The following SDCCAG8 variants were observed in gnomAD, a reference collection of about 807,000 sequenced individuals.
SDCCAG8 encodes the protein serologically defined colon cancer antigen 8.
Under a neutral mutation model 101.8 loss-of-function variants are expected in SDCCAG8, and 74 were observed. That is an observed-to-expected ratio of 0.73 (90% CI 0.60 to 0.88). The LOEUF is 0.88. Among genes scored for constraint, SDCCAG8 ranks in the 40% least tolerant of loss-of-function variants. The pLI is 0.00. For missense variants in SDCCAG8, 787 were observed against 822.6 expected, an observed-to-expected ratio of 0.96 and a Z score of 0.53; for synonymous variants, 281 against 292.9, an observed-to-expected ratio of 0.96 and a Z score of 0.41.
At chr1:243,294,696 TC>T (rs576179320) in intron 6 of SDCCAG8, among the ~76,000 whole-genome samples, 11,310 of 62,108 alleles carry the variant, frequency 0.18, 1,020 homozygotes, top group Non-Finnish European at 0.22. Flanking sequence ...CTTTCTAAAT[TC>T]CCCCCCCCCC....
intron 12 of SDCCAG8, among the ~76,000 whole-genome samples, chr1:243,369,236 G>A (rs539102798): frequency 9.9e-5 from 15 of 152,158 alleles, no homozygotes; most frequent in African/African-American, 3.1e-4. Flanking sequence ...ATGGGGAGTC[G>A]ATAAACAAGT....
chr1:243,411,380 G>A (rs114498324), intron 13 of SDCCAG8, among the ~76,000 whole-genome samples: 1,529 of 152,250 alleles, frequency 0.01, 23 homozygotes, highest in African/African-American at 0.035. Context: ...GCTTCCCAAA[G>A]TGCTGGGATT....
chr1:243,327,341 A>ATAGAAATTAAAATTATAATTATAATTTT (rs2074238263), intron 9 of SDCCAG8, among the ~76,000 whole-genome samples: 1 of 146,730 alleles, frequency 6.8e-6, no homozygotes, highest in Non-Finnish European at 1.5e-5. Flanking sequence ...TTATAATTTT[A>ATAGAAATTAAAATTATAATTATAATTTT]TAGAAATTAA....
intron 4 of SDCCAG8, among the ~76,000 whole-genome samples, chr1:243,283,583 G>T (rs2069279686): frequency 6.6e-6 from 1 of 151,514 alleles, no homozygotes; most frequent in Non-Finnish European, 1.5e-5. Flanking sequence ...GTCTACTGAT[G>T]AGCCTTTCAA....
intron 1 of SDCCAG8, among the ~76,000 whole-genome samples, chr1:243,259,237 TAA>T (rs559992892): frequency 7.1e-6 from 1 of 141,648 alleles, no homozygotes. Flanking sequence ...CCGTCTGTAC[TAA>T]AAAAAAAAAT....
At chr1:243,290,270 A>C (rs10754799) in intron 5 of SDCCAG8, among the ~76,000 whole-genome samples, 1 of 151,430 alleles carries the variant, frequency 6.6e-6, no homozygotes, top group Non-Finnish European at 1.5e-5. Context: ...AGGATTTAAC[A>C]TACTTAGGTT....
At chr1:243,306,442 A>T (rs972278993) in intron 7 of SDCCAG8, 1 of 152,184 alleles carries the variant, frequency 6.6e-6, no homozygotes, top group African/African-American at 2.4e-5. Flanking sequence ...CTTGTAATGA[A>T]TTAGACTTTG....
chr1:243,385,205 C>T (rs539041278), intron 13 of SDCCAG8, among the ~76,000 whole-genome samples: 156 of 152,040 alleles, frequency 1.0e-3, no homozygotes, highest in African/African-American at 3.3e-3. Context: ...GCCTGGGCAA[C>T]GTGGCGAAAC....
chr1:243,452,763 C>G (rs1395406171), intron 16 of SDCCAG8, among the ~76,000 whole-genome samples: 1 of 152,122 alleles, frequency 6.6e-6, no homozygotes, highest in Non-Finnish European at 1.5e-5. Flanking sequence ...CATAGATGGG[C>G]TGTGAACCTT....
chr1:243,456,374 C>T (rs1424064809), intron 16 of SDCCAG8, among the ~76,000 whole-genome samples: 6 of 152,010 alleles, frequency 3.9e-5, no homozygotes, highest in East Asian at 1.9e-4. Flanking sequence ...AGCTAAATGA[C>T]GTGGGACACT....
chr1:243,283,296 A>G (rs2069239219), intron 4 of SDCCAG8, among the ~76,000 whole-genome samples: 1 of 151,564 alleles, frequency 6.6e-6, no homozygotes, highest in Non-Finnish European at 1.5e-5. Context: ...TGAGCTTCCT[A>G]GATCTGTGGT....
intron 9 of SDCCAG8, among the ~76,000 whole-genome samples, chr1:243,328,883 CTT>C (rs372914438): frequency 6.6e-6 from 1 of 152,162 alleles, no homozygotes; most frequent in African/African-American, 2.4e-5. Flanking sequence ...TCTTCAGTCT[CTT>C]CTGCTGTTCC....
At chr1:243,436,076 C>G (rs1477339051) in intron 16 of SDCCAG8, among the ~76,000 whole-genome samples, 1 of 151,884 alleles carries the variant, frequency 6.6e-6, no homozygotes, top group Non-Finnish European at 1.5e-5. Flanking sequence ...AGGGTTCAGC[C>G]TTAGTTTTGT....
chr1:243,259,128 T>G (rs769693598), intron 1 of SDCCAG8, among the ~76,000 whole-genome samples: 1 of 151,894 alleles, frequency 6.6e-6, no homozygotes, highest in Non-Finnish European at 1.5e-5. Context: ...GGGCCGGGCG[T>G]GGTGGCTCAC....
rs150287066 is a variant in SDCCAG8, at chr1:243,453,700, C to G, written c.1985+27142C>G. On this transcript the variant is annotated intron_variant, in intron 16 of 17. Coordinates refer to ENST00000366541, the MANE Select transcript of SDCCAG8 (RefSeq NM_006642.5). Reference sequence around the variant, plus strand: ...CTCTTCCTGGCTAAATAGATTCTCTCAACTCCAGCAAAATATTTTTAAAAT... The same window carrying G: ...CTCTTCCTGGCTAAATAGATTCTCTGAACTCCAGCAAAATATTTTTAAAAT... Among the ~76,000 whole-genome samples, 674 of 152,302 alleles carry G rather than the reference C, an allele frequency of 4.4e-3. 7 individuals are homozygous for G. Among genetic ancestry groups the G allele is most frequent in the African/African-American group, 0.016 (646 of 41,562 alleles).
At position 243,330,703 on chromosome 1, in the gene SDCCAG8, ACT is replaced by A. The variant is rs750654108; in HGVS notation, c.1221+14_1221+15del. 6.2e-7 allele frequency: 1 copy of A among 1,613,760 alleles called. No homozygotes were observed. Among genetic ancestry groups the A allele is most frequent in the Non-Finnish European group, 8.5e-7 (1 of 1,179,802 alleles). ...TACATGGGATCAAAGGTACTTAAGG[ACT>A]CTGCTGTTATCCACATTGCAGAAGA... On this transcript the variant is annotated intron_variant, in intron 10 of 17. Transcript: ENST00000366541.
At position 243,256,091 on chromosome 1, in the gene SDCCAG8, C is replaced by T. The variant is rs1488800445; in HGVS notation, c.-83C>T. On this transcript the variant is annotated 5_prime_UTR_variant, in exon 1 of 18. Transcript: ENST00000366541. ...CGGCAGGAAGCAGGCGGGCGCTCCC[C>T]GGCCACAGGCCTGTTGTTCTCGGAA... 21 of 1,365,914 alleles carry T rather than the reference C, an allele frequency of 1.5e-5. No homozygotes were observed. The Middle Eastern group carries it at 5.4e-4, about 35-fold the overall frequency. The allele number at this position is 1,365,914 out of a possible 1,614,324, so 84.6% of individuals were successfully genotyped here. A position where few individuals can be genotyped will look rare whatever the true frequency, so the allele number is the denominator to read the frequency against.
chr1:243,262,252 G>A (rs2067252315), intron 1 of SDCCAG8, among the ~76,000 whole-genome samples: 1 of 147,880 alleles, frequency 6.8e-6, no homozygotes, highest in Non-Finnish European at 1.5e-5. Flanking sequence ...GATTACAGGT[G>A]CCACCACCAC....
At chr1:243,436,254 G>A (rs1007560842) in intron 16 of SDCCAG8, among the ~76,000 whole-genome samples, 1 of 151,588 alleles carries the variant, frequency 6.6e-6, no homozygotes, top group African/African-American at 2.4e-5. Context: ...GGTCCCGAGC[G>A]GGTTGCCCCA....
Sources: gnomAD v4.1 joint callset for allele counts (sites outside exome capture counted in the v4.1 genomes callset) on GRCh38, gnomAD v4.1.1 for gene constraint, MANE v1.5 for transcripts, NCBI Gene and HGNC (gene_info 2026-07-23, HGNC 2026-07-21) for gene names.